Variants in WBP2NL observed in about 807,000 individuals in gnomAD.
The protein encoded by WBP2NL is WBP2 N-terminal like.
In WBP2NL, 27 loss-of-function variants were observed where a neutral mutation model predicts 23.3. The observed-to-expected ratio is 1.16, with a 90% CI of 0.85 to 1.60. The LOEUF is 1.60. WBP2NL is among the 40% of genes most tolerant of loss of function. The probability of loss-of-function intolerance (pLI) is 0.00; values close to 1 mark genes in which losing one functional copy is unlikely to be tolerated. For synonymous variants in WBP2NL, 151 were observed against 145.9 expected (o/e 1.03, Z -0.25); for missense variants, 370 against 389.5 (o/e 0.95, Z 0.42).
rs143530198 is a variant in WBP2NL at position 42,027,001 on chromosome 22, C to A, written c.750C>A (p.Leu250=). The change falls in exon 6 of 6, where the codon CTC becomes CTA. Residue 250 remains leucine (L), a synonymous_variant. Transcript: ENST00000328823. ...APPLGYGTPP[L]GYGAPPLGYG... is the part of the protein sequence containing the mutation. Reference sequence around the variant, plus strand: ...CTCTTGGATATGGAACCCCACCTCTCGGATATGGAGCCCCACCTCTCGGAT... The same window carrying A: ...CTCTTGGATATGGAACCCCACCTCTAGGATATGGAGCCCCACCTCTCGGAT... The A allele has an allele frequency of 6.2e-7, 1 of 1,606,530 alleles. No individual in the cohort carries two copies. The highest frequency in any genetic ancestry group is 1.1e-5 in the South Asian group (1 of 90,832).
intron 8 of WBP2NL, among the ~76,000 whole-genome samples, chr22:42,057,882 TATATATATA>T (rs1926117438): frequency 4.8e-5 from 1 of 20,674 alleles, no homozygotes; most frequent in Non-Finnish European, 1.1e-4. Context: ...TATATATATA[TATATATATA>T]TATATATATA....
At chr22:42,039,355 C>CTT (rs57767168) in intron 8 of WBP2NL, among the ~76,000 whole-genome samples, 85,742 of 140,918 alleles carry the variant, frequency 0.61, 26,279 homozygotes, top group East Asian at 0.84. Context: ...GGATTACAGG[C>CTT]TTTTTTTTTT....
chr22:42,039,904 T>C (rs1379979713), intron 8 of WBP2NL, among the ~76,000 whole-genome samples: 3 of 150,814 alleles, frequency 2.0e-5, no homozygotes, highest in Non-Finnish European at 4.4e-5. Context: ...ATTTGTACAG[T>C]TAGGTTTTTT....
At chr22:42,032,626 C>T (rs1376692541), downstream of WBP2NL, 2 of 351,276 alleles carry the variant, frequency 5.7e-6, no homozygotes, top group Admixed American at 8.2e-5. Context: ...TATTCTGTTA[C>T]ACAGATTACC....
chr22:42,020,868 GTATATATATATATATA>G (rs1335645142), intron 4 of WBP2NL, among the ~76,000 whole-genome samples: 13 of 15,236 alleles, frequency 8.5e-4, no homozygotes, highest in East Asian at 8.1e-3. Context: ...GTGTGTGTGT[GTATATATATATATATA>G]TATATATATA....
intron 8 of WBP2NL, among the ~76,000 whole-genome samples, chr22:42,051,514 G>C (rs572234823): frequency 1.3e-5 from 2 of 152,142 alleles, no homozygotes; most frequent in South Asian, 4.1e-4. Context: ...AATTATGAAC[G>C]TTTGCTAATA....
intron 1 of WBP2NL, among the ~76,000 whole-genome samples, chr22:42,014,109 T>C (rs762607577): frequency 1.1e-4 from 17 of 151,202 alleles, no homozygotes; most frequent in Non-Finnish European, 2.4e-4. Flanking sequence ...TTAGTAGAGG[T>C]GAGGTTTCAC....
intron 1 of WBP2NL, 136 bp downstream of exon 1, chr22:41,999,016 C>T: frequency 2.0e-6 from 2 of 982,838 alleles, no homozygotes; most frequent in African/African-American, 1.7e-5. Context: ...CGCCCCCGAC[C>T]TTTGGGAGCG....
chr22:42,003,865 A>C (rs760712472), intron 1 of WBP2NL, among the ~76,000 whole-genome samples: 1 of 152,252 alleles, frequency 6.6e-6, no homozygotes, highest in Non-Finnish European at 1.5e-5. Flanking sequence ...GGAAGAACAA[A>C]CATCAAATTT....
intron 4 of WBP2NL, among the ~76,000 whole-genome samples, chr22:42,021,600 T>A (rs1324239302): frequency 6.6e-6 from 1 of 152,104 alleles, no homozygotes; most frequent in African/African-American, 2.4e-5. Context: ...GTACCACACT[T>A]CCTCACATTG....
intron 8 of WBP2NL, among the ~76,000 whole-genome samples, chr22:42,053,622 G>T (rs1208217383): frequency 6.6e-6 from 1 of 151,956 alleles, no homozygotes; most frequent in Admixed American, 6.6e-5. Flanking sequence ...ACCATGCCTG[G>T]CTAATTTTTG....
rs1286094028 is a variant in WBP2NL, at chr22:42,028,064, G to C, written c.*883G>C. ...TTAAAATATGCCTGCGAGAAAACTT[G>C]CATGTGTGCACAAAGATGCATGTGG... On this transcript the variant is annotated 3_prime_UTR_variant, in exon 6 of 6. Transcript: ENST00000328823. 3.0e-5 allele frequency: 12 copies of C among 398,342 alleles called. No homozygotes were observed. Among genetic ancestry groups the C allele is most frequent in the Non-Finnish European group, 5.3e-5 (12 of 226,018 alleles). The allele number at this position is 398,342 out of a possible 1,614,324, so 24.7% of individuals were successfully genotyped here. A position where few individuals can be genotyped will look rare whatever the true frequency, so the allele number is the denominator to read the frequency against.
At chr22:41,999,691 C>T (rs1022503868) in intron 1 of WBP2NL, among the ~76,000 whole-genome samples, 1 of 152,100 alleles carries the variant, frequency 6.6e-6, no homozygotes, top group Non-Finnish European at 1.5e-5. Flanking sequence ...TTGCTTGAAC[C>T]CAGGAGTTTG....
chr22:42,023,933 A>G (rs1366402388), intron 5 of WBP2NL, among the ~76,000 whole-genome samples: 1 of 152,176 alleles, frequency 6.6e-6, no homozygotes, highest in Non-Finnish European at 1.5e-5. Context: ...TGTAAGCCAC[A>G]GCATCTGGTC....
chr22:42,053,535 C>A (rs1925913927), intron 8 of WBP2NL, among the ~76,000 whole-genome samples: 1 of 151,824 alleles, frequency 6.6e-6, no homozygotes, highest in African/African-American at 2.4e-5. Context: ...TCTCAGCTCA[C>A]CACAACCTCC....
intron 8 of WBP2NL, among the ~76,000 whole-genome samples, chr22:42,057,861 G>A (rs7290864): frequency 1.2e-5 from 1 of 86,806 alleles, no homozygotes; most frequent in Non-Finnish European, 2.0e-5. Flanking sequence ...ATATATGTGT[G>A]TGTGTATGTA....
At chr22:42,047,269 C>A (rs112377004) in intron 8 of WBP2NL, among the ~76,000 whole-genome samples, 2,001 of 101,450 alleles carry the variant, frequency 0.02, 203 homozygotes, top group African/African-American at 0.062. Context: ...TTTTCAAGCT[C>A]AAAAAAAAAA....
chr22:42,045,123 GC>G (rs947873776), intron 8 of WBP2NL, among the ~76,000 whole-genome samples: 1 of 152,002 alleles, frequency 6.6e-6, no homozygotes, highest in Admixed American at 6.6e-5. Flanking sequence ...AAGCCACTAT[GC>G]CCAGCCTAAA....
intron 5 of WBP2NL, among the ~76,000 whole-genome samples, chr22:42,024,688 C>T (rs891780568): frequency 1.3e-5 from 2 of 151,238 alleles, no homozygotes; most frequent in Non-Finnish European, 1.5e-5. Flanking sequence ...AATCGGATTG[C>T]TTGTCTTTTT....
Sources: allele counts gnomAD v4.1 joint callset (sites outside exome capture counted in the v4.1 genomes callset), GRCh38; gene constraint gnomAD v4.1.1; transcripts MANE v1.5; gene names NCBI Gene and HGNC (gene_info 2026-07-23, HGNC 2026-07-21).